FRYL: variants seen among roughly 807,000 people sequenced by gnomAD.
FRYL encodes protein furry homolog-like.
In FRYL, 150 loss-of-function variants were observed where a neutral mutation model predicts 351.2. The observed-to-expected ratio is 0.43, with a 90% CI of 0.37 to 0.49. The LOEUF (loss-of-function observed/expected upper bound fraction) is 0.49, where lower values mean the gene tolerates loss of function less well. FRYL is among the 20% of genes least tolerant of loss of function. The probability of loss-of-function intolerance (pLI) is 0.00; values close to 1 mark genes in which losing one functional copy is unlikely to be tolerated. For synonymous variants in FRYL, 1,153 were observed against 1,257.1 expected (o/e 0.92, Z 1.75); for missense variants, 3,036 against 3,619.3 (o/e 0.84, Z 4.13).
At chr4:48,761,695 G>C (rs765084365) in intron 1 of FRYL, among the ~76,000 whole-genome samples, 1 of 152,084 alleles carries the variant, frequency 6.6e-6, no homozygotes, top group Non-Finnish European at 1.5e-5. Context: ...AGACGAGTAA[G>C]TATCTAAACA....
intron 3 of FRYL, among the ~76,000 whole-genome samples, chr4:48,645,191 C>T (rs1366239408): frequency 7.3e-6 from 1 of 137,098 alleles, no homozygotes; most frequent in Non-Finnish European, 1.6e-5. Context: ...GCATATATCA[C>T]CTACTGCAGG....
intron 2 of FRYL, among the ~76,000 whole-genome samples, chr4:48,709,719 T>C (rs1767795153): frequency 6.6e-6 from 1 of 152,190 alleles, no homozygotes; most frequent in African/African-American, 2.4e-5. Flanking sequence ...AAACTGCGTC[T>C]ACCAAGGCTA....
intron 2 of FRYL, among the ~76,000 whole-genome samples, chr4:48,685,579 A>T (rs1045440596): frequency 9.8e-5 from 15 of 152,316 alleles, no homozygotes; most frequent in African/African-American, 3.4e-4. Context: ...TTTGGGATGC[A>T]TATTTTTCAG....
At chr4:48,748,488 A>G (rs1456300598) in intron 1 of FRYL, among the ~76,000 whole-genome samples, 1 of 152,144 alleles carries the variant, frequency 6.6e-6, no homozygotes, top group Non-Finnish European at 1.5e-5. Context: ...CCTGGCCGGG[A>G]TCTCTTTCCT....
intron 23 of FRYL, among the ~76,000 whole-genome samples, chr4:48,576,966 G>A (rs1410374599): frequency 1.3e-5 from 2 of 151,808 alleles, no homozygotes; most frequent in African/African-American, 4.8e-5. Context: ...TTAGACTTAC[G>A]TATTTTTCAC....
At chr4:48,513,434 A>G (rs1722898438) in intron 56 of FRYL, among the ~76,000 whole-genome samples, 1 of 152,230 alleles carries the variant, frequency 6.6e-6, no homozygotes, top group Admixed American at 6.5e-5. Context: ...CAGATTATAC[A>G]AACAAAAATG....
At chr4:48,520,656 G>A (rs1724714962) in intron 55 of FRYL, 1 of 155,028 alleles carries the variant, frequency 6.5e-6, no homozygotes, top group South Asian at 2.1e-4. Context: ...CAGCTGGCCT[G>A]AGGTTTTAAT....
In FRYL at chr4:48,544,777, A is replaced by G; in HGVS notation, c.5401+6T>C. 2 of 1,571,278 alleles carry G rather than the reference A, an allele frequency of 1.3e-6. No individual in the cohort carries two copies. Among genetic ancestry groups the G allele is most frequent in the South Asian group, 2.4e-5 (2 of 82,192 alleles). On this transcript the variant is annotated splice_donor_region_variant and intron_variant, in intron 43 of 63. Transcript: ENST00000358350. Reference sequence around the variant, plus strand: ...CACTAAAACTAAAATATTTCTTAAAAGATACCTGAGCTTGACTGCTTAAAA... The same window carrying G: ...CACTAAAACTAAAATATTTCTTAAAGGATACCTGAGCTTGACTGCTTAAAA...
intron 1 of FRYL, among the ~76,000 whole-genome samples, chr4:48,724,316 C>T (rs1769834624): frequency 6.6e-6 from 1 of 152,052 alleles, no homozygotes; most frequent in Non-Finnish European, 1.5e-5. Flanking sequence ...CCCTCAAACT[C>T]AAGTCTATTT....
intron 35 of FRYL, among the ~76,000 whole-genome samples, chr4:48,554,464 G>A (rs1160562334): frequency 5.3e-5 from 8 of 151,934 alleles, no homozygotes; most frequent in African/African-American, 1.9e-4. Flanking sequence ...GTCAGCCTCC[G>A]AGTAGGTGGG....
At position 48,625,123 on chromosome 4, in the gene FRYL, G is replaced by A. The variant is rs563205142; in HGVS notation, c.121-1944C>T. On this transcript the variant is annotated intron_variant, in intron 4 of 63. Transcript: ENST00000358350. ...GACTTCTGAGCCTCTGAAATCATAT[G>A]AGCCAATTCCTTGTTATCTATAATA... 4.6e-5 allele frequency among the ~76,000 whole-genome samples: 7 copies of A among 152,188 alleles called. No homozygotes were observed. The East Asian group carries it at 1.4e-3, about 29-fold the overall frequency.
chr4:48,596,768 G>A (rs527626418), intron 13 of FRYL, among the ~76,000 whole-genome samples: 9 of 151,760 alleles, frequency 5.9e-5, no homozygotes, highest in Non-Finnish European at 1.2e-4. Context: ...ATTACAATTT[G>A]ATCAGCAAAC....
chr4:48,778,200 T>G (rs1269127113), intron 1 of FRYL, among the ~76,000 whole-genome samples: 1 of 152,188 alleles, frequency 6.6e-6, no homozygotes, highest in Non-Finnish European at 1.5e-5. Flanking sequence ...TTATCTGATA[T>G]TGGCTTCCAA....
intron 62 of FRYL, among the ~76,000 whole-genome samples, chr4:48,500,692 G>C (rs1188949726): frequency 1.3e-5 from 2 of 152,136 alleles, no homozygotes; most frequent in Admixed American, 6.5e-5. Flanking sequence ...GATGACAAGG[G>C]GGGGAAAAGA....
rs146821869 is a variant in FRYL at position 48,543,795 on chromosome 4, A to G, written c.5592+12T>C. On this transcript the variant is annotated intron_variant, in intron 44 of 63. Coordinates refer to ENST00000358350, the MANE Select transcript of FRYL (RefSeq NM_015030.2). The stretch of plus-strand genomic sequence containing the variant: ...GCTGCTCAATAACTGCTGAAAGAAT[A>G]TAAGGAAATACCTGTGCATCTTCTC... 36 of 1,608,836 alleles carry G rather than the reference A, an allele frequency of 2.2e-5. No individual in the cohort carries two copies. The highest frequency in any genetic ancestry group is 2.8e-5 in the Non-Finnish European group (33 of 1,177,158).
intron 56 of FRYL, among the ~76,000 whole-genome samples, chr4:48,513,376 A>G (rs1447830871): frequency 6.6e-6 from 1 of 152,198 alleles, no homozygotes; most frequent in Non-Finnish European, 1.5e-5. Flanking sequence ...ACTCCAAAGA[A>G]ACATAAGACC....
chr4:48,501,142 G>A (rs929878978), intron 62 of FRYL, among the ~76,000 whole-genome samples: 1 of 151,724 alleles, frequency 6.6e-6, no homozygotes, highest in Non-Finnish European at 1.5e-5. Context: ...TTGAGGGAGG[G>A]GGGTTGATGA....
At chr4:48,516,955 A>G (rs1577899218) in intron 55 of FRYL, among the ~76,000 whole-genome samples, 1 of 152,150 alleles carries the variant, frequency 6.6e-6, no homozygotes, top group African/African-American at 2.4e-5. Context: ...AGGGAAAGTG[A>G]TTAGAAGATA....
chr4:48,733,355 T>G (rs1288550231), intron 1 of FRYL, among the ~76,000 whole-genome samples: 1 of 149,220 alleles, frequency 6.7e-6, no homozygotes, highest in African/African-American at 2.5e-5. Flanking sequence ...CCTTCAAAAG[T>G]AAAAAAGAAA....
Sources: gnomAD v4.1 joint callset for allele counts (sites outside exome capture counted in the v4.1 genomes callset) on GRCh38, gnomAD v4.1.1 for gene constraint, MANE v1.5 for transcripts, NCBI Gene and HGNC (gene_info 2026-07-23, HGNC 2026-07-21) for gene names.